The following FAM53A variants were observed in gnomAD, a reference collection of about 807,000 sequenced individuals.
The protein encoded by FAM53A is protein FAM53A.
In FAM53A, 28 loss-of-function variants were observed where a neutral mutation model predicts 26.6. The ratio of observed to expected loss-of-function variants is 1.05; its 90% CI spans 0.78 to 1.45. FAM53A has a LOEUF of 1.45. Among genes scored for constraint, FAM53A ranks in the 40% most tolerant of loss-of-function variants. FAM53A has a pLI of 0.00. For synonymous variants in FAM53A, 290 were observed against 253.1 expected (o/e 1.15, Z -1.38); for missense variants, 650 against 575.8 (o/e 1.13, Z -1.32).
chr4:1,595,607 C>T, the FAM53A span, among the ~76,000 whole-genome samples: 1 of 152,234 alleles, frequency 6.6e-6, no homozygotes, highest in Non-Finnish European at 1.5e-5. Context: ...CACCAAGCAG[C>T]CCTTGTCCTG....
At chr4:1,620,795 A>T (rs1249079452) in intron 1 of FAM53A, among the ~76,000 whole-genome samples, 1 of 152,212 alleles carries the variant, frequency 6.6e-6, no homozygotes, top group Non-Finnish European at 1.5e-5. Context: ...AGCAACAGCA[A>T]CACCAAAACA....
chr4:1,655,285 C>T lies in FAM53A; in HGVS notation c.575G>A (p.Gly192Asp), dbSNP rs747258119. The part of the protein sequence containing the change: ...PATPRPSSAS[G>D]GFVDSSEGSA... Reference sequence around the variant, plus strand: ...GCCCTCGCTGCTGTCCACGAAGCCGCCGCTGGCGGAGGACGGCCGGGGCGT... The same window carrying T: ...GCCCTCGCTGCTGTCCACGAAGCCGTCGCTGGCGGAGGACGGCCGGGGCGT... Residue 192 changes from glycine to aspartate, a missense_variant, in exon 4 of 5, where the codon GGC (glycine) becomes GAC (aspartate). By Grantham distance (94) the Gly-to-Asp change is moderately conservative. Transcript: ENST00000308132. 4.6e-5 allele frequency: 66 copies of T among 1,425,710 alleles called. No homozygotes were observed. The highest frequency in any genetic ancestry group is 5.9e-5 in the Non-Finnish European group (65 of 1,095,828). The allele number at this position is 1,425,710 out of a possible 1,614,324, so 88.3% of individuals were successfully genotyped here. A position where few individuals can be genotyped will look rare whatever the true frequency, so the allele number is the denominator to read the frequency against.
At chr4:1,581,235 C>T in the FAM53A span, among the ~76,000 whole-genome samples, 1 of 148,900 alleles carries the variant, frequency 6.7e-6, no homozygotes, top group African/African-American at 2.5e-5. Context: ...CACCCAGGTC[C>T]CGCCTCCACT....
chr4:1,575,502 G>C, the FAM53A span, among the ~76,000 whole-genome samples: 1 of 152,168 alleles, frequency 6.6e-6, no homozygotes, highest in Admixed American at 6.5e-5. Context: ...CAGTGCCCCT[G>C]ACAGAGGGGT....
the FAM53A span, among the ~76,000 whole-genome samples, chr4:1,588,780 T>G: frequency 6.6e-6 from 1 of 152,336 alleles, no homozygotes; most frequent in South Asian, 2.1e-4. Context: ...TGTTTATTGT[T>G]CTGAGCTGCT....
chr4:1,685,065 C>T (rs1177225055), upstream of FAM53A, among the ~76,000 whole-genome samples: 1 of 152,278 alleles, frequency 6.6e-6, no homozygotes, highest in East Asian at 1.9e-4. Context: ...CCCTCTCCAG[C>T]CTCCCGTGCT....
At chr4:1,646,668 G>A (rs572263765) in intron 4 of FAM53A, among the ~76,000 whole-genome samples, 3 of 152,232 alleles carry the variant, frequency 2.0e-5, no homozygotes, top group Non-Finnish European at 2.9e-5. Context: ...CTCCAAAAAC[G>A]CAGCGGGCCT....
intron 4 of FAM53A, chr4:1,645,053 G>T (rs988883618): frequency 3.3e-5 from 5 of 152,640 alleles, no homozygotes; most frequent in African/African-American, 1.2e-4. Flanking sequence ...AGGCGGCCCT[G>T]GCCGTGGGCC....
At chr4:1,600,127 C>G in the FAM53A span, among the ~76,000 whole-genome samples, 2 of 152,280 alleles carry the variant, frequency 1.3e-5, no homozygotes, top group Non-Finnish European at 2.9e-5. Flanking sequence ...CTCAGCTGAG[C>G]CGAGGTGGGG....
At chr4:1,679,977 C>T (rs867534601) in intron 1 of FAM53A, among the ~76,000 whole-genome samples, 45 of 148,474 alleles carry the variant, frequency 3.0e-4, no homozygotes, top group African/African-American at 1.0e-3. Context: ...GAGCCAAGAT[C>T]GCACCATTGC....
chr4:1,666,141 A>G, intron 2 of FAM53A, among the ~76,000 whole-genome samples: 1 of 136,782 alleles, frequency 7.3e-6, no homozygotes, highest in South Asian at 2.6e-4. Flanking sequence ...TCTAAAATAA[A>G]ACCTGCACCT....
the FAM53A span, among the ~76,000 whole-genome samples, chr4:1,591,079 C>T: frequency 3.1e-3 from 441 of 142,576 alleles, 2 homozygotes; most frequent in Non-Finnish European, 4.9e-3. Context: ...GATTTTTTGG[C>T]CTTATTTCTA....
At chr4:1,585,272 CTCTCTTT>C in the FAM53A span, among the ~76,000 whole-genome samples, 19,689 of 115,198 alleles carry the variant, frequency 0.17, 1,109 homozygotes, top group East Asian at 0.43. Flanking sequence ...CTCTCTCTCT[CTCTCTTT>C]TTTTTTTTTT....
At chr4:1,662,445 C>T (rs934645499) in intron 2 of FAM53A, among the ~76,000 whole-genome samples, 1 of 139,626 alleles carries the variant, frequency 7.2e-6, no homozygotes, top group African/African-American at 2.6e-5. Context: ...CACCACTGCA[C>T]TCCAGCCTTA....
At chr4:1,611,934 C>G in the FAM53A span, among the ~76,000 whole-genome samples, 1 of 152,222 alleles carries the variant, frequency 6.6e-6, no homozygotes, top group Non-Finnish European at 1.5e-5. Context: ...GAGCCATTGA[C>G]CGGCGGCATT....
At chr4:1,617,857 C>T, downstream of FAM53A, 1 of 363,346 alleles carries the variant, frequency 2.8e-6, no homozygotes, top group Non-Finnish European at 5.4e-6. Context: ...GTGCCTGCGC[C>T]CACCCCTTGA....
At chr4:1,670,490 C>G (rs998612785) in intron 1 of FAM53A, among the ~76,000 whole-genome samples, 6 of 152,254 alleles carry the variant, frequency 3.9e-5, no homozygotes, top group African/African-American at 1.4e-4. Flanking sequence ...GTGCACAGGT[C>G]CTGACGGGTG....
At chr4:1,673,048 G>A (rs573060446) in intron 1 of FAM53A, among the ~76,000 whole-genome samples, 16 of 152,112 alleles carry the variant, frequency 1.1e-4, no homozygotes, top group African/African-American at 1.7e-4. Context: ...GGGATTACAG[G>A]TATGTATCAC....
intron 1 of FAM53A, among the ~76,000 whole-genome samples, chr4:1,619,482 C>T (rs1714934403): frequency 6.6e-6 from 1 of 152,198 alleles, no homozygotes; most frequent in Non-Finnish European, 1.5e-5. Context: ...CCGGCCTTCC[C>T]GCCCTGTTCC....
Sources: allele counts gnomAD v4.1 joint callset (sites outside exome capture counted in the v4.1 genomes callset), GRCh38; gene constraint gnomAD v4.1.1; transcripts MANE v1.5; gene names NCBI Gene and HGNC (gene_info 2026-07-23, HGNC 2026-07-21).